Variants in PENK observed in about 807,000 individuals in gnomAD.
The protein encoded by PENK is proenkephalin.
A neutral mutation model predicts 24.1 loss-of-function variants in PENK; 25 were observed. The observed-to-expected ratio is 1.04, with a 90% CI of 0.76 to 1.45. PENK has a LOEUF of 1.45. Ranked by LOEUF, PENK falls within the 40% of genes most tolerant of loss-of-function variation. PENK has a pLI of 0.00. For synonymous variants in PENK, 135 were observed against 130.3 expected (o/e 1.04, Z -0.24); for missense variants, 353 against 337.9 (o/e 1.04, Z -0.35).
chr8:56,443,726 T>C, intron 3 of PENK: 1 of 403,236 alleles, frequency 2.5e-6, no homozygotes. Flanking sequence ...AATCCCAGAA[T>C]GTTGTAATTC....
At chr8:56,442,438 T>C (rs920459979) in intron 3 of PENK, among the ~76,000 whole-genome samples, 1 of 152,164 alleles carries the variant, frequency 6.6e-6, no homozygotes, top group Admixed American at 6.5e-5. Context: ...GTGTTAATAT[T>C]TTACCTAAAA....
At chr8:56,446,025 T>G (rs950941717) in intron 2 of PENK, 69 bp from the exon 3 acceptor site, 3 of 1,473,236 alleles carry the variant, frequency 2.0e-6, no homozygotes, top group Non-Finnish European at 2.7e-6. Flanking sequence ...GGCAGGACCC[T>G]CGCCGCGACA....
chr8:56,444,147 T>C (rs1804609957), intron 3 of PENK: 4 of 514,228 alleles, frequency 7.8e-6, no homozygotes, highest in Non-Finnish European at 1.4e-5. Flanking sequence ...GGAAGATTAG[T>C]AGCATTTTGG....
At position 56,441,582 on chromosome 8, in the gene PENK, TC is replaced by T. The variant is rs760272003; in HGVS notation, c.493del (p.Asp165ThrfsTer18). On this transcript the variant is annotated frameshift_variant, in exon 4 of 4. Transcript: ENST00000451791. LOFTEE classifies it high-confidence loss of function. The part of the protein sequence containing the change: ...DLLKELLETG[D>X]NRERSHHQDG... Reference sequence around the variant, plus strand: ...CTGGTGGTGGCTACGCTCTCGGTTGTCCCCTGTTTCCAGAAGCTCTTTTAGC... The same window carrying T: ...CTGGTGGTGGCTACGCTCTCGGTTGTCCCTGTTTCCAGAAGCTCTTTTAGC... 4 of 1,614,034 alleles carry T rather than the reference TC, an allele frequency of 2.5e-6. No individual in the cohort carries two copies. In the South Asian group the frequency reaches 4.4e-5, roughly 18 times the overall value.
At chr8:56,445,438 T>TC in intron 3 of PENK, 2 of 461,164 alleles carry the variant, frequency 4.3e-6, no homozygotes, top group Admixed American at 3.6e-5. Flanking sequence ...AGCTGGGATA[T>TC]GTTAGGAGTT....
intron 3 of PENK, among the ~76,000 whole-genome samples, chr8:56,442,796 A>C (rs1804583428): frequency 6.6e-6 from 1 of 152,078 alleles, no homozygotes; most frequent in Non-Finnish European, 1.5e-5. Context: ...GTAAAATAGG[A>C]ATCATCAGCA....
chr8:56,445,744 G>T, intron 3 of PENK, 72 bp downstream of exon 3: 1 of 1,594,502 alleles, frequency 6.3e-7, no homozygotes, highest in Non-Finnish European at 8.6e-7. Flanking sequence ...CGGTGGGCCG[G>T]AGGCAGTCCG....
chr8:56,441,801 T>A lies in PENK; in HGVS notation c.275A>T (p.Glu92Val). 6.2e-7 allele frequency: 1 copy of A among 1,614,230 alleles called. No individual in the cohort carries two copies. Among genetic ancestry groups the A allele is most frequent in the Non-Finnish European group, 8.5e-7 (1 of 1,180,040 alleles). The change falls in exon 4 of 4, where the codon GAA (glutamate) becomes GTA (valine). Residue 92 changes from glutamate to valine, a missense_variant. Glu to Val is a moderately radical substitution (Grantham distance 121). Transcript: ENST00000451791. ...ATACCTTTTGGCTAGCAAATGGCTT[T>A]CTTCCGGTTTGCTATTTTCTCTGAG... ...STLRENSKPE[E>V]SHLLAKRYGG...
chr8:56,443,793 G>A lies in PENK; in HGVS notation c.139-1856C>T. The A allele has an allele frequency of 6.5e-6, 3 of 459,772 alleles. No individual in the cohort carries two copies. The East Asian group carries it at 1.0e-4, about 15-fold the overall frequency. 28.5% of individuals were successfully genotyped at this position (459,772 alleles called of 1,614,324 possible). On this transcript the variant is annotated intron_variant, in intron 3 of 3. Transcript: ENST00000451791. Reference sequence around the variant, plus strand: ...CATTGAGACAATAACAACCCTAAATGTAGGGTCCAATGCAAATCAGTTATT... The same window carrying A: ...CATTGAGACAATAACAACCCTAAATATAGGGTCCAATGCAAATCAGTTATT...
chr8:56,443,238 T>C (rs887670336), intron 3 of PENK, among the ~76,000 whole-genome samples: 1 of 152,184 alleles, frequency 6.6e-6, no homozygotes, highest in Non-Finnish European at 1.5e-5. Context: ...TGACATATGA[T>C]GAACAAATAA....
At chr8:56,446,027 G>A (rs1362232736) in intron 2 of PENK, 71 bp from the exon 3 acceptor site, 7 of 1,459,746 alleles carry the variant, frequency 4.8e-6, no homozygotes, top group Non-Finnish European at 6.4e-6. Flanking sequence ...CAGGACCCTC[G>A]CCGCGACAGC....
intron 3 of PENK, 107 bp from the exon 4 acceptor site, chr8:56,442,044 T>C (rs1804570505): frequency 1.3e-6 from 1 of 746,424 alleles, no homozygotes; most frequent in Non-Finnish European, 2.2e-6. Flanking sequence ...ATAACTTCCT[T>C]ATTATAATAA....
chr8:56,445,009 A>G (rs1316745272), intron 3 of PENK, among the ~76,000 whole-genome samples: 1 of 152,202 alleles, frequency 6.6e-6, no homozygotes, highest in Non-Finnish European at 1.5e-5. Flanking sequence ...GATCAGAATG[A>G]AAGTTATTTT....
rs1371858506 is a variant in PENK, at chr8:56,441,928, T to G, written c.148A>C (p.Met50Leu). Residue 50 changes from methionine to leucine, a missense_variant, in exon 4 of 4, where the codon ATG (methionine) becomes CTG (leucine). Met to Leu is a conservative substitution (Grantham distance 15). Transcript: ENST00000451791. ...PADINFLACVMECEGKLPSLK... is the reference protein window; with the variant it reads ...PADINFLACVLECEGKLPSLK... ...GAAGGCAGTTTACCTTCACATTCCA[T>G]TACGCAAGCCTGGGAAAACAATTTG... 1 of 1,610,218 alleles carries G rather than the reference T, an allele frequency of 6.2e-7. No homozygotes were observed. Among genetic ancestry groups the G allele is most frequent in the African/African-American group, 1.3e-5 (1 of 74,642 alleles).
At position 56,443,678 on chromosome 8, in the gene PENK, C is replaced by A. The variant is rs1372001289; in HGVS notation, c.139-1741G>T. 20 of 331,398 alleles carry A rather than the reference C, an allele frequency of 6.0e-5. No individual in the cohort carries two copies. In the East Asian group the frequency reaches 1.0e-3, roughly 17 times the overall value. The allele number at this position is 331,398 out of a possible 1,614,324, so 20.5% of individuals were successfully genotyped here. On this transcript the variant is annotated intron_variant, in intron 3 of 3. Transcript: ENST00000451791. ...ATTTCACTACATAATTTTGGCTAGG[C>A]AACCTCGTTTCTCACATGTCTTTTG...
At position 56,443,650 on chromosome 8, in the gene PENK, T is replaced by C. The variant is rs199899275; in HGVS notation, c.139-1713A>G. The C allele has an allele frequency of 2.6e-4, 74 of 280,718 alleles. 2 individuals are homozygous for C. In the East Asian group the frequency reaches 5.9e-3, roughly 22 times the overall value. 17.4% of individuals were successfully genotyped at this position (280,718 alleles called of 1,614,324 possible). A position where few individuals can be genotyped will look rare whatever the true frequency, so the allele number is the denominator to read the frequency against. On this transcript the variant is annotated intron_variant, in intron 3 of 3. Coordinates refer to ENST00000451791, the MANE Select transcript of PENK (RefSeq NM_001135690.3). Reference sequence around the variant, plus strand: ...AGAAGCTCAGTAAATATTTGTTACATTGATTTCACTACATAATTTTGGCTA... The same window carrying C: ...AGAAGCTCAGTAAATATTTGTTACACTGATTTCACTACATAATTTTGGCTA...
At chr8:56,445,666 A>G (rs900460701) in intron 3 of PENK, 150 bp downstream of exon 3, 26 of 940,456 alleles carry the variant, frequency 2.8e-5, no homozygotes, top group East Asian at 7.6e-5. Context: ...AACAGCTGAG[A>G]CACCCAGGTC....
chr8:56,443,985 A>G (rs1206871493), intron 3 of PENK: 4 of 702,296 alleles, frequency 5.7e-6, no homozygotes, highest in Non-Finnish European at 1.0e-5. Context: ...AAAATTCTGG[A>G]AAGAGCAGCC....
Position 56,441,408 on chromosome 8 carries a change from C to T in PENK, c.668G>A (p.Trp223Ter). The T allele has an allele frequency of 6.2e-7, 1 of 1,614,088 alleles. No individual in the cohort carries two copies. Among genetic ancestry groups the T allele is most frequent in the South Asian group, 1.1e-5 (1 of 91,082 alleles). Reference protein sequence around the residue: ...FMRRVGRPEWWMDYQKRYGGF... With the variant: ...FMRRVGRPEW ...TCCATACCGTTTCTGGTAGTCCATCCACCACTCTGGGCGACCTACTCTTCT... is the reference window on the plus strand; with the variant it reads ...TCCATACCGTTTCTGGTAGTCCATCTACCACTCTGGGCGACCTACTCTTCT... Residue 223 changes from tryptophan (W) to a stop codon, truncating the protein, a stop_gained, in exon 4 of 4, where the codon TGG (tryptophan) becomes TAG (stop). Transcript: ENST00000451791. LOFTEE classifies it high-confidence loss of function.
Sources: gnomAD v4.1 joint callset for allele counts (sites outside exome capture counted in the v4.1 genomes callset) on GRCh38, gnomAD v4.1.1 for gene constraint, MANE v1.5 for transcripts, NCBI Gene and HGNC (gene_info 2026-07-23, HGNC 2026-07-21) for gene names.